MEIKIN: variants seen among roughly 807,000 people sequenced by gnomAD.
MEIKIN encodes meiosis-specific kinetochore protein.
chr5:131,917,211 T>C (rs569906804), intron 6 of MEIKIN, among the ~76,000 whole-genome samples: 1 of 152,252 alleles, frequency 6.6e-6, no homozygotes, highest in African/African-American at 2.4e-5. Context: ...AACAATCCTG[T>C]CAGGTAAATA....
intron 4 of MEIKIN, among the ~76,000 whole-genome samples, chr5:131,936,806 A>T (rs967688452): frequency 1.3e-5 from 2 of 152,056 alleles, no homozygotes; most frequent in African/African-American, 4.8e-5. Context: ...CCTGACCTCA[A>T]GTAATCCTCC....
At chr5:131,820,507 C>T (rs1307528761) in intron 11 of MEIKIN, among the ~76,000 whole-genome samples, 1 of 152,150 alleles carries the variant, frequency 6.6e-6, no homozygotes, top group Non-Finnish European at 1.5e-5. Context: ...GTGTCTTTCT[C>T]TGGTTTTGGT....
intron 11 of MEIKIN, among the ~76,000 whole-genome samples, chr5:131,834,932 C>A (rs1018166014): frequency 2.0e-5 from 3 of 151,380 alleles, no homozygotes; most frequent in African/African-American, 7.3e-5. Context: ...ACAAGGGTTC[C>A]ATTTCCCTAC....
Position 131,925,050 on chromosome 5 carries a change from C to T in MEIKIN, c.479-3109G>A, listed in dbSNP as rs192805852. Among the ~76,000 whole-genome samples the T allele has an allele frequency of 2.6e-5, 4 of 152,130 alleles. No homozygotes were observed. In the East Asian group the frequency reaches 7.7e-4, roughly 29 times the overall value. On this transcript the variant is annotated intron_variant, in intron 5 of 12. Coordinates refer to ENST00000442687, the MANE Select transcript of MEIKIN (RefSeq NM_001303622.2). ...TTTTGTATGTGGATATTCAGTTTTC[C>T]CAATAGCATTTGTTGAAGAAAGTAT...
At chr5:131,834,585 T>C (rs754964557) in intron 11 of MEIKIN, among the ~76,000 whole-genome samples, 1 of 152,236 alleles carries the variant, frequency 6.6e-6, no homozygotes, top group Non-Finnish European at 1.5e-5. Flanking sequence ...ACAGTATTTG[T>C]CATTGTATGT....
chr5:131,869,007 T>A (rs757875257), intron 9 of MEIKIN, among the ~76,000 whole-genome samples: 7 of 152,234 alleles, frequency 4.6e-5, no homozygotes, highest in Non-Finnish European at 7.3e-5. Context: ...ATCAATTATT[T>A]CTTTTATAAT....
chr5:131,894,510 A>G (rs1372164858), intron 8 of MEIKIN, among the ~76,000 whole-genome samples: 1 of 152,040 alleles, frequency 6.6e-6, no homozygotes, highest in Non-Finnish European at 1.5e-5. Flanking sequence ...TTTTCATGAT[A>G]TTGATTCTTC....
At position 131,831,026 on chromosome 5, in the gene MEIKIN, T is replaced by C. The variant is rs1749707894; in HGVS notation, c.976-12163A>G. On this transcript the variant is annotated intron_variant, in intron 11 of 12. Coordinates refer to ENST00000442687, the MANE Select transcript of MEIKIN (RefSeq NM_001303622.2). Reference sequence around the variant, plus strand: ...GATTCTCCTGCCTCAGCCTCCCAAGTAGCTGGGACTATACGTGTGCGCCAT... The same window carrying C: ...GATTCTCCTGCCTCAGCCTCCCAAGCAGCTGGGACTATACGTGTGCGCCAT... Among the ~76,000 whole-genome samples, 4 of 152,090 alleles carry C rather than the reference T, an allele frequency of 2.6e-5. No homozygotes were observed. In the South Asian group the frequency reaches 8.3e-4, roughly 32 times the overall value.
intron 9 of MEIKIN, among the ~76,000 whole-genome samples, chr5:131,865,386 A>AT (rs201160321): frequency 0.09 from 13,622 of 151,964 alleles, 782 homozygotes; most frequent in East Asian, 0.19. Context: ...TGCCCGGCTA[A>AT]TTTTTTGTAT....
intron 11 of MEIKIN, among the ~76,000 whole-genome samples, chr5:131,846,012 T>C (rs1181685183): frequency 6.6e-6 from 1 of 152,108 alleles, no homozygotes; most frequent in Non-Finnish European, 1.5e-5. Flanking sequence ...AGACAAAGAA[T>C]CCTGAAAGCA....
intron 9 of MEIKIN, among the ~76,000 whole-genome samples, chr5:131,861,304 G>A (rs1322538388): frequency 6.6e-6 from 1 of 151,990 alleles, no homozygotes; most frequent in Non-Finnish European, 1.5e-5. Flanking sequence ...TAGGATAACT[G>A]CTTAAACCCG....
Position 131,851,287 on chromosome 5 carries a change from A to G in MEIKIN, c.952T>C (p.Leu318=), listed in dbSNP as rs2149615102. 2.5e-6 allele frequency: 1 copy of G among 398,210 alleles called. No individual in the cohort carries two copies. Among genetic ancestry groups the G allele is most frequent in the Admixed American group, 4.4e-5 (1 of 22,726 alleles). 24.7% of individuals were successfully genotyped at this position (398,210 alleles called of 1,614,324 possible). A position where few individuals can be genotyped will look rare whatever the true frequency, so the allele number is the denominator to read the frequency against. ...ACCTCATTTGAAGAATTTTCCTGCA[A>G]ACTTGACACAGGAACAATTTCATTT... ...NSNEIVPVSS[L]QENSSNEFPA... The change falls in exon 11 of 13, where the codon TTG becomes CTG. Residue 318 remains leucine, a synonymous_variant. Transcript: ENST00000442687.
chr5:131,890,485 T>C (rs891212922), intron 8 of MEIKIN, among the ~76,000 whole-genome samples: 5 of 152,222 alleles, frequency 3.3e-5, no homozygotes, highest in African/African-American at 1.2e-4. Flanking sequence ...TTCTTCTAGA[T>C]TTTCTAGTTT....
chr5:131,891,528 G>T (rs185286631), intron 8 of MEIKIN, among the ~76,000 whole-genome samples: 500 of 152,158 alleles, frequency 3.3e-3, no homozygotes, highest in South Asian at 9.1e-3. Flanking sequence ...TATCAGAGAC[G>T]AGGATTGCAA....
chr5:131,847,401 T>C (rs1197766972), intron 11 of MEIKIN, among the ~76,000 whole-genome samples: 2 of 152,000 alleles, frequency 1.3e-5, no homozygotes, highest in Non-Finnish European at 2.9e-5. Flanking sequence ...GCAGCTATAA[T>C]AATATCAGAT....
At chr5:131,821,856 C>T (rs1749514055) in intron 11 of MEIKIN, among the ~76,000 whole-genome samples, 1 of 151,826 alleles carries the variant, frequency 6.6e-6, no homozygotes, top group South Asian at 2.1e-4. Flanking sequence ...AACTCCTGGG[C>T]TCAAGTGATC....
chr5:131,924,439 C>T (rs1232796417), intron 5 of MEIKIN, among the ~76,000 whole-genome samples: 1 of 152,152 alleles, frequency 6.6e-6, no homozygotes, highest in Non-Finnish European at 1.5e-5. Context: ...TTCCCACCAA[C>T]AGTGTACAAG....
chr5:131,879,084 T>G (rs1750661288), intron 8 of MEIKIN, 36 bp from the exon 9 acceptor site: 3 of 398,218 alleles, frequency 7.5e-6, no homozygotes, highest in Non-Finnish European at 4.4e-6. Context: ...TTCTACTTAT[T>G]TCAACTGTCA....
In MEIKIN at chr5:131,945,653, G is replaced by T. The variant is rs555213968; in HGVS notation, c.-148C>A. 1.0e-5 allele frequency: 4 copies of T among 394,640 alleles called. No homozygotes were observed. Among genetic ancestry groups the T allele is most frequent in the Non-Finnish European group, 1.8e-5 (4 of 223,586 alleles). 24.4% of individuals were successfully genotyped at this position (394,640 alleles called of 1,614,324 possible). On this transcript the variant is annotated 5_prime_UTR_variant, in exon 1 of 13. Transcript: ENST00000442687. ...AGCAACTAATCGAGCGAAAGCAAAA[G>T]CCCCAGAACTGGAGCCGCCGGGCCT...
Sources: gnomAD v4.1 joint callset for allele counts (sites outside exome capture counted in the v4.1 genomes callset) on GRCh38, gnomAD v4.1.1 for gene constraint, MANE v1.5 for transcripts, NCBI Gene and HGNC (gene_info 2026-07-23, HGNC 2026-07-21) for gene names.